DCAF6: variants seen among roughly 807,000 people sequenced by gnomAD.
DCAF6 encodes DDB1 and CUL4 associated factor 6.
Under a neutral mutation model 125.1 loss-of-function variants are expected in DCAF6, and 54 were observed. The observed-to-expected ratio is 0.43, with a 90% CI of 0.35 to 0.54. The LOEUF is 0.54. Among genes scored for constraint, DCAF6 ranks in the 20% least tolerant of loss-of-function variants. The probability of loss-of-function intolerance (pLI) is 0.01; values close to 1 mark genes in which losing one functional copy is unlikely to be tolerated. For missense variants in DCAF6, 934 were observed against 1,161.7 expected (o/e 0.80, Z 2.85); for synonymous variants, 371 against 390.4 (o/e 0.95, Z 0.58).
chr1:167,901,584 C>G, the DCAF6 span: 13 of 1,439,718 alleles, frequency 9.0e-6, no homozygotes, highest in Admixed American at 1.7e-5. Context: ...TACTACTTCT[C>G]TTTGGGAGAG....
the DCAF6 span, among the ~76,000 whole-genome samples, chr1:167,883,865 C>T: frequency 1.3e-5 from 2 of 152,174 alleles, no homozygotes; most frequent in Non-Finnish European, 2.9e-5. Context: ...CTCCATTACC[C>T]CAACTGCTGG....
intron 3 of DCAF6, among the ~76,000 whole-genome samples, chr1:167,971,789 A>G (rs1013911738): frequency 6.6e-6 from 1 of 152,246 alleles, no homozygotes; most frequent in Non-Finnish European, 1.5e-5. Flanking sequence ...AGAATAACTC[A>G]TAATGCATTG....
At chr1:167,920,766 A>T in the DCAF6 span, 2 of 876,718 alleles carry the variant, frequency 2.3e-6, no homozygotes, top group African/African-American at 3.4e-5. Context: ...TCATTAAGAA[A>T]ATGTAGATTA....
rs1455816409 is a variant in DCAF6 at position 167,950,255 on chromosome 1, A to G, written c.98-1545A>G. Among the ~76,000 whole-genome samples, 7 of 152,206 alleles carry G rather than the reference A, an allele frequency of 4.6e-5. No individual in the cohort carries two copies. The South Asian group carries it at 6.2e-4, about 14-fold the overall frequency. ...TTGAATACTTTGTTTCTTAACTCGT[A>G]TAACTCAATGAGATTACCAATCCTT... On this transcript the variant is annotated intron_variant, in intron 1 of 21. Coordinates refer to ENST00000367840, the MANE Select transcript of DCAF6 (RefSeq NM_001198956.2).
In DCAF6 at chr1:168,063,888, CTT is replaced by C. The variant is rs539362492; in HGVS notation, c.2439+131_2439+132del. Reference sequence around the variant, plus strand: ...TACATTATTAAATCTTCAGTTATCTCTTTATCCAACATGGTTCTTTTAGCCCT... The same window carrying C: ...TACATTATTAAATCTTCAGTTATCTCTATCCAACATGGTTCTTTTAGCCCT... On this transcript the variant is annotated intron_variant, in intron 18 of 21. Coordinates refer to ENST00000367840, the MANE Select transcript of DCAF6 (RefSeq NM_001198956.2). The C allele has an allele frequency of 9.4e-4, 791 of 837,288 alleles. 2 individuals carry two copies. The highest frequency in any genetic ancestry group is 3.1e-3 in the South Asian group (165 of 53,328). The allele number at this position is 837,288 out of a possible 1,614,324, so 51.9% of individuals were successfully genotyped here. A position where few individuals can be genotyped will look rare whatever the true frequency, so the allele number is the denominator to read the frequency against.
intron 4 of DCAF6, among the ~76,000 whole-genome samples, chr1:167,976,417 A>C (rs1343692963): frequency 6.6e-6 from 1 of 152,232 alleles, no homozygotes; most frequent in African/African-American, 2.4e-5. Flanking sequence ...GGTTGCAGTC[A>C]GCCAAGACTG....
At chr1:168,072,160 G>A (rs1021822268) in intron 21 of DCAF6, among the ~76,000 whole-genome samples, 7 of 151,732 alleles carry the variant, frequency 4.6e-5, no homozygotes, top group African/African-American at 1.7e-4. Context: ...AGCTGGGTGT[G>A]GTGGCGCGTG....
intron 2 of DCAF6, among the ~76,000 whole-genome samples, chr1:167,957,637 C>T (rs1674981596): frequency 1.3e-5 from 2 of 152,066 alleles, no homozygotes; most frequent in African/African-American, 4.8e-5. Flanking sequence ...ATTATCTTGG[C>T]TGTATACCTA....
At chr1:167,971,894 C>T (rs547944400) in intron 3 of DCAF6, among the ~76,000 whole-genome samples, 23 of 151,926 alleles carry the variant, frequency 1.5e-4, no homozygotes, top group African/African-American at 4.6e-4. Flanking sequence ...CTTGCTCTGT[C>T]GCCCAGGCTG....
chr1:168,052,093 AG>A (rs1281967064), intron 17 of DCAF6, among the ~76,000 whole-genome samples: 1 of 152,116 alleles, frequency 6.6e-6, no homozygotes, highest in African/African-American at 2.4e-5. Flanking sequence ...CATGTTGGCC[AG>A]GCTGGTCTCA....
the DCAF6 span, among the ~76,000 whole-genome samples, chr1:167,869,788 A>G: frequency 0.011 from 1,726 of 151,636 alleles, 30 homozygotes; most frequent in African/African-American, 0.038. Flanking sequence ...GAAGTTGAGC[A>G]CCTTGACGAG....
intron 7 of DCAF6, among the ~76,000 whole-genome samples, chr1:167,994,142 A>G (rs1054077269): frequency 9.2e-5 from 14 of 152,044 alleles, no homozygotes; most frequent in Non-Finnish European, 1.6e-4. Context: ...TCACTAATTT[A>G]TTATTGGTAT....
chr1:167,947,354 T>G (rs1295015963), intron 1 of DCAF6, among the ~76,000 whole-genome samples: 2 of 151,914 alleles, frequency 1.3e-5, no homozygotes, highest in Non-Finnish European at 2.9e-5. Context: ...GTTTTTTTTT[T>G]CAGTCCATAT....
intron 4 of DCAF6, among the ~76,000 whole-genome samples, chr1:167,985,964 T>C (rs539484708): frequency 1.9e-4 from 29 of 152,310 alleles, no homozygotes; most frequent in Admixed American, 3.9e-4. Flanking sequence ...AAAATGGGAA[T>C]CATACTGTGC....
chr1:167,969,964 T>C (rs1009615142), intron 3 of DCAF6, among the ~76,000 whole-genome samples: 1 of 151,950 alleles, frequency 6.6e-6, no homozygotes, highest in African/African-American at 2.4e-5. Flanking sequence ...TTTTGTAGAG[T>C]TGGGGTTTCA....
At chr1:168,001,643 T>C (rs1458352446) in intron 7 of DCAF6, among the ~76,000 whole-genome samples, 1 of 151,998 alleles carries the variant, frequency 6.6e-6, no homozygotes, top group African/African-American at 2.4e-5. Flanking sequence ...GAAATATTGT[T>C]TTTTTTCTTA....
intron 11 of DCAF6, among the ~76,000 whole-genome samples, chr1:168,021,279 T>G (rs1191967159): frequency 6.6e-6 from 1 of 152,182 alleles, no homozygotes; most frequent in Non-Finnish European, 1.5e-5. Context: ...GCTCTTAAAT[T>G]GTTAAATGAG....
At chr1:168,025,364 G>T (rs191036412) in intron 12 of DCAF6, among the ~76,000 whole-genome samples, 6 of 152,206 alleles carry the variant, frequency 3.9e-5, no homozygotes, top group Non-Finnish European at 4.4e-5. Context: ...AAATCAGGTG[G>T]TTCTTTATCT....
chr1:167,996,328 T>G (rs1320879326), intron 7 of DCAF6, among the ~76,000 whole-genome samples: 2 of 152,200 alleles, frequency 1.3e-5, no homozygotes, highest in Middle Eastern at 3.2e-3. Flanking sequence ...TACCCCATTA[T>G]TGGGCTTCTT....
Sources: allele counts gnomAD v4.1 joint callset (sites outside exome capture counted in the v4.1 genomes callset), GRCh38; gene constraint gnomAD v4.1.1; transcripts MANE v1.5; gene names NCBI Gene and HGNC (gene_info 2026-07-23, HGNC 2026-07-21).